The following MME variants were observed in gnomAD, a reference collection of about 807,000 sequenced individuals.
MME encodes membrane metalloendopeptidase.
In MME, 98 loss-of-function variants were observed where a neutral mutation model predicts 113.2. That is an observed-to-expected ratio of 0.87 (90% CI 0.74 to 1.02). The LOEUF is 1.02. MME is among the 50% of genes least tolerant of loss of function. The probability of loss-of-function intolerance (pLI) is 0.00; values close to 1 mark genes in which losing one functional copy is unlikely to be tolerated. For missense variants in MME, 836 were observed against 896.0 expected (o/e 0.93, Z 0.86); for synonymous variants, 292 against 300.6 (o/e 0.97, Z 0.30).
At chr3:155,145,615 A>T (rs897764137) in intron 14 of MME, among the ~76,000 whole-genome samples, 2 of 152,066 alleles carry the variant, frequency 1.3e-5, no homozygotes, top group Non-Finnish European at 2.9e-5. Flanking sequence ...TGATAAATTA[A>T]TTTCCCATCC....
In MME at chr3:155,115,077, C is replaced by G. The variant is rs184108383; in HGVS notation, c.280C>G (p.Arg94Gly). The change falls in exon 4 of 23, where the codon CGT (arginine) becomes GGT (glycine). Residue 94 changes from arginine (R) to glycine (G), a missense_variant. Physicochemically the swap from Arg to Gly is moderately radical, Grantham distance 125. Coordinates refer to ENST00000360490, the MANE Select transcript of MME (RefSeq NM_007289.4). ...ATATGCTTGCGGAGGCTGGTTGAAA[C>G]GTAATGTCATTCCCGAGACCAGCTC... Reference protein sequence around the residue: ...FKYACGGWLKRNVIPETSSRY... With the variant: ...FKYACGGWLKGNVIPETSSRY... The G allele has an allele frequency of 1.9e-6, 3 of 1,614,078 alleles. No individual in the cohort carries two copies. Among genetic ancestry groups the G allele is most frequent in the East Asian group, 4.5e-5 (2 of 44,854 alleles).
intron 16 of MME, among the ~76,000 whole-genome samples, chr3:155,157,171 C>T (rs190247032): frequency 1.2e-4 from 18 of 151,976 alleles, no homozygotes; most frequent in Admixed American, 2.0e-4. Context: ...TGCCCCCAAA[C>T]GAGAATAAGC....
At chr3:155,161,869 G>A (rs931877922) in intron 17 of MME, among the ~76,000 whole-genome samples, 12 of 152,110 alleles carry the variant, frequency 7.9e-5, no homozygotes, top group African/African-American at 2.9e-4. Context: ...CAACTCCTCA[G>A]AACCTTTGCA....
At chr3:155,170,747 G>A (rs576668234) in intron 20 of MME, among the ~76,000 whole-genome samples, 60 of 152,000 alleles carry the variant, frequency 3.9e-4, no homozygotes, top group Non-Finnish European at 7.6e-4. Context: ...ACCTGTTCTT[G>A]GTGTCCCTGA....
chr3:155,144,000 A>G (rs1367175901), intron 13 of MME, among the ~76,000 whole-genome samples: 1 of 152,196 alleles, frequency 6.6e-6, no homozygotes, highest in African/African-American at 2.4e-5. Context: ...ACTTAATGGT[A>G]TGGTGAAAGA....
chr3:155,061,337 G>C (rs967880256), intron 1 of MME, among the ~76,000 whole-genome samples: 6 of 151,450 alleles, frequency 4.0e-5, no homozygotes, highest in African/African-American at 1.5e-4. Context: ...TGTAGTCCCA[G>C]CTACTTGGGA....
chr3:155,079,630 T>TGGGGGGGGGGGG (rs1455585736), upstream of MME: 6 of 27,486 alleles, frequency 2.2e-4, no homozygotes, highest in Non-Finnish European at 3.9e-4. Flanking sequence ...GGGTAGGGGG[T>TGGGGGGGGGGGG]GGGGGGGGTG....
At chr3:155,079,638 G>GC (rs1714936785), upstream of MME, 1 of 123,402 alleles carries the variant, frequency 8.1e-6, no homozygotes, top group East Asian at 2.8e-4. Flanking sequence ...GGTGGGGGGG[G>GC]TGGGCCGTGA....
At chr3:155,111,722 T>C (rs1445215941) in intron 3 of MME, among the ~76,000 whole-genome samples, 2 of 152,158 alleles carry the variant, frequency 1.3e-5, no homozygotes, top group Non-Finnish European at 2.9e-5. Context: ...TCACTACTTT[T>C]CTGAGTAGAG....
At chr3:155,163,252 T>G (rs1722844329) in intron 17 of MME, among the ~76,000 whole-genome samples, 1 of 152,092 alleles carries the variant, frequency 6.6e-6, no homozygotes, top group Non-Finnish European at 1.5e-5. Flanking sequence ...ACGGGATTGG[T>G]CATTTTATGT....
chr3:155,086,592 C>A lies in MME; in HGVS notation c.196+1498C>A, dbSNP rs1715743562. Among the ~76,000 whole-genome samples the A allele has an allele frequency of 2.0e-5, 3 of 151,986 alleles. No homozygotes were observed. The South Asian group carries it at 6.2e-4, about 31-fold the overall frequency. ...AGAAGTGTATGAAGCTATATAAATC[C>A]CATCAATTGGAGTGTGGTGAAAATG... is the stretch of plus-strand genomic sequence containing the variant. On this transcript the variant is annotated intron_variant, in intron 3 of 22. Coordinates refer to ENST00000360490, the MANE Select transcript of MME (RefSeq NM_007289.4).
intron 1 of MME, among the ~76,000 whole-genome samples, chr3:155,039,653 C>T (rs1269291355): frequency 6.6e-6 from 1 of 151,884 alleles, no homozygotes; most frequent in Non-Finnish European, 1.5e-5. Context: ...TTGTTAATTT[C>T]ACTGCAATTA....
chr3:155,082,709 G>C (rs531050546), intron 1 of MME, among the ~76,000 whole-genome samples: 3 of 152,296 alleles, frequency 2.0e-5, no homozygotes, highest in African/African-American at 4.8e-5. Context: ...TAATCAAGGG[G>C]ACAGCATGTT....
intron 10 of MME, among the ~76,000 whole-genome samples, chr3:155,141,466 C>T (rs912376944): frequency 3.3e-5 from 5 of 152,102 alleles, no homozygotes; most frequent in African/African-American, 9.7e-5. Context: ...ACATGGCATG[C>T]CTGTAGACCC....
intron 16 of MME, among the ~76,000 whole-genome samples, chr3:155,153,489 T>G (rs1722098889): frequency 6.6e-6 from 1 of 152,206 alleles, no homozygotes; most frequent in South Asian, 2.1e-4. Context: ...TCTAAAATAT[T>G]TACTTCTAGT....
intron 1 of MME, among the ~76,000 whole-genome samples, chr3:155,044,336 T>C (rs1713470581): frequency 6.6e-6 from 1 of 151,780 alleles, no homozygotes; most frequent in African/African-American, 2.4e-5. Context: ...TTTCAATATA[T>C]TGGCCAGGCT....
At chr3:155,123,372 A>C (rs1719318854) in intron 8 of MME, among the ~76,000 whole-genome samples, 1 of 119,192 alleles carries the variant, frequency 8.4e-6, no homozygotes, top group African/African-American at 3.2e-5. Context: ...CTGTTTATCC[A>C]ATTTGCCAGT....
intron 9 of MME, 28 bp downstream of exon 9, chr3:155,138,264 C>A: frequency 6.2e-7 from 1 of 1,608,698 alleles, no homozygotes; most frequent in Non-Finnish European, 8.5e-7. Context: ...TTCTGATACA[C>A]TGAATAATGT....
intron 1 of MME, chr3:155,081,283 T>C (rs1715119935): frequency 6.6e-6 from 1 of 152,254 alleles, no homozygotes; most frequent in Non-Finnish European, 1.5e-5. Flanking sequence ...GAGATTTCCT[T>C]TTTAACAAAT....
Sources: gnomAD v4.1 joint callset for allele counts (sites outside exome capture counted in the v4.1 genomes callset) on GRCh38, gnomAD v4.1.1 for gene constraint, MANE v1.5 for transcripts, NCBI Gene and HGNC (gene_info 2026-07-23, HGNC 2026-07-21) for gene names.